Variants in ADK observed in about 807,000 individuals in gnomAD.
ADK encodes the protein N6,N6-dimethyladenosine kinase.
Under a neutral mutation model 44.7 loss-of-function variants are expected in ADK, and 24 were observed. That is an observed-to-expected ratio of 0.54 (90% CI 0.39 to 0.76). The LOEUF (loss-of-function observed/expected upper bound fraction) is 0.76, where lower values mean the gene tolerates loss of function less well. ADK is among the 30% of genes least tolerant of loss of function. ADK has a pLI of 0.00. For missense variants in ADK, 321 were observed against 425.1 expected, an observed-to-expected ratio of 0.76 and a Z score of 2.15; for synonymous variants, 128 against 142.6, an observed-to-expected ratio of 0.90 and a Z score of 0.73.
intron 5 of ADK, among the ~76,000 whole-genome samples, chr10:74,395,504 A>T (rs1352848726): frequency 1.3e-5 from 2 of 152,176 alleles, no homozygotes; most frequent in Non-Finnish European, 2.9e-5. Flanking sequence ...TTAAGATTAC[A>T]GTAAACATTG....
At chr10:74,459,590 G>A (rs959519718) in intron 6 of ADK, among the ~76,000 whole-genome samples, 7 of 151,636 alleles carry the variant, frequency 4.6e-5, no homozygotes, top group Non-Finnish European at 7.4e-5. Flanking sequence ...TTACCTGGGC[G>A]TGGTAGCACA....
At chr10:74,575,298 C>G (rs540971897) in intron 7 of ADK, among the ~76,000 whole-genome samples, 5 of 152,256 alleles carry the variant, frequency 3.3e-5, no homozygotes, top group African/African-American at 1.2e-4. Context: ...AATGTATAAT[C>G]TAGTAGAGGA....
At chr10:74,311,385 T>C (rs570962987) in intron 3 of ADK, among the ~76,000 whole-genome samples, 1 of 152,326 alleles carries the variant, frequency 6.6e-6, no homozygotes, top group East Asian at 1.9e-4. Flanking sequence ...ACTTCTAATT[T>C]TGGGAAATTG....
intron 6 of ADK, among the ~76,000 whole-genome samples, chr10:74,518,873 A>T (rs1202655527): frequency 6.6e-6 from 1 of 152,038 alleles, no homozygotes; most frequent in African/African-American, 2.4e-5. Context: ...CTGTGTACAC[A>T]CTATTTGTAT....
chr10:74,332,398 G>A (rs1841248861), intron 4 of ADK, among the ~76,000 whole-genome samples: 1 of 152,162 alleles, frequency 6.6e-6, no homozygotes, highest in Admixed American at 6.6e-5. Flanking sequence ...ACTGTATTGT[G>A]ATGGTGAGAC....
At chr10:74,274,056 A>G (rs12268597) in intron 3 of ADK, among the ~76,000 whole-genome samples, 5,382 of 152,208 alleles carry the variant, frequency 0.035, 345 homozygotes, top group African/African-American at 0.12. Flanking sequence ...CAAACTAAAT[A>G]CACTTGGCCA....
At chr10:74,309,575 C>T (rs763162694) in intron 3 of ADK, among the ~76,000 whole-genome samples, 3 of 152,100 alleles carry the variant, frequency 2.0e-5, no homozygotes, top group Non-Finnish European at 2.9e-5. Context: ...TTATAAACAT[C>T]ATATTCCAAT....
intron 3 of ADK, among the ~76,000 whole-genome samples, chr10:74,230,009 C>T (rs1844693054): frequency 6.6e-6 from 1 of 150,964 alleles, no homozygotes. Context: ...CACTGTGCTC[C>T]AGCCTGGGTG....
At chr10:74,399,644 T>G (rs1469910394) in intron 6 of ADK, among the ~76,000 whole-genome samples, 1 of 152,040 alleles carries the variant, frequency 6.6e-6, no homozygotes, top group Admixed American at 6.6e-5. Context: ...ATTTTATTTC[T>G]CAAATTGGTC....
intron 6 of ADK, among the ~76,000 whole-genome samples, chr10:74,452,035 T>C (rs1845799255): frequency 6.6e-6 from 1 of 151,872 alleles, no homozygotes; most frequent in African/African-American, 2.4e-5. Context: ...TGTATAGATA[T>C]GATGTACACA....
At chr10:74,228,585 G>A (rs1699351730) in intron 3 of ADK, among the ~76,000 whole-genome samples, 1 of 152,082 alleles carries the variant, frequency 6.6e-6, no homozygotes, top group African/African-American at 2.4e-5. Flanking sequence ...CTTCAATAAA[G>A]CGGTTTAAGA....
intron 6 of ADK, among the ~76,000 whole-genome samples, chr10:74,504,680 A>G (rs752197984): frequency 1.3e-4 from 20 of 152,172 alleles, no homozygotes; most frequent in Non-Finnish European, 2.6e-4. Context: ...TAAGGGAGGG[A>G]CCTGTTAGGA....
At chr10:74,434,344 C>T (rs760051337) in intron 6 of ADK, among the ~76,000 whole-genome samples, 4 of 152,118 alleles carry the variant, frequency 2.6e-5, no homozygotes, top group Non-Finnish European at 5.9e-5. Flanking sequence ...TGATCTTAGT[C>T]TGTAATGAAT....
intron 10 of ADK, among the ~76,000 whole-genome samples, chr10:74,675,055 A>G (rs1003946700): frequency 5.9e-5 from 9 of 152,134 alleles, no homozygotes; most frequent in African/African-American, 2.2e-4. Flanking sequence ...TGGATGGTTA[A>G]TATATTCATC....
intron 6 of ADK, among the ~76,000 whole-genome samples, chr10:74,475,335 A>C (rs1045480476): frequency 2.0e-5 from 3 of 151,944 alleles, no homozygotes; most frequent in Non-Finnish European, 4.4e-5. Flanking sequence ...TCTTTTTATT[A>C]CTTTCTTACT....
chr10:74,347,060 T>G (rs1841791434), intron 4 of ADK, among the ~76,000 whole-genome samples: 1 of 128,406 alleles, frequency 7.8e-6, no homozygotes, highest in Admixed American at 9.0e-5. Context: ...TGAGCAGAGA[T>G]CGCACCACTG....
At chr10:74,164,978 T>C (rs1320014016) in intron 1 of ADK, among the ~76,000 whole-genome samples, 1 of 152,208 alleles carries the variant, frequency 6.6e-6, no homozygotes, top group East Asian at 1.9e-4. Context: ...TCTCTCAGCC[T>C]TTCTCTTTGA....
intron 3 of ADK, among the ~76,000 whole-genome samples, chr10:74,233,076 G>A (rs765955323): frequency 3.9e-5 from 6 of 152,154 alleles, no homozygotes; most frequent in Non-Finnish European, 5.9e-5. Context: ...TGGTGCCCTG[G>A]ACTTAGCATT....
chr10:74,615,699 G>A (rs192070818), intron 9 of ADK, among the ~76,000 whole-genome samples: 32 of 151,964 alleles, frequency 2.1e-4, no homozygotes, highest in African/African-American at 7.5e-4. Context: ...GTTTTTTTGT[G>A]TGTAGTTTTG....
Sources: allele counts gnomAD v4.1 joint callset (sites outside exome capture counted in the v4.1 genomes callset), GRCh38; gene constraint gnomAD v4.1.1; transcripts MANE v1.5; gene names NCBI Gene and HGNC (gene_info 2026-07-23, HGNC 2026-07-21).